Variants in LPAR1 observed in about 807,000 individuals in gnomAD.
The protein encoded by LPAR1 is lysophosphatidic acid receptor 1, also known as LPA receptor 1.
A neutral mutation model predicts 23.8 loss-of-function variants in LPAR1; 5 were observed. The ratio of observed to expected loss-of-function variants is 0.21; its 90% CI spans 0.11 to 0.44. The LOEUF (loss-of-function observed/expected upper bound fraction) is 0.44. Ranked by LOEUF, LPAR1 falls within the 20% of genes least tolerant of loss-of-function variation. LPAR1 has a pLI of 0.99. For synonymous variants in LPAR1, 160 were observed against 164.7 expected, an observed-to-expected ratio of 0.97 and a Z score of 0.22; for missense variants, 311 against 482.8, an observed-to-expected ratio of 0.64 and a Z score of 3.33.
Position 110,907,216 on chromosome 9 carries a change from C to T in LPAR1, c.794-31494G>A, listed in dbSNP as rs916871114. 5.9e-5 allele frequency among the ~76,000 whole-genome samples: 9 copies of T among 152,036 alleles called. No homozygotes were observed. The East Asian group carries it at 7.7e-4, about 13-fold the overall frequency. ...TAAATATTCCTTATAATATTCTGTC[C>T]GGCAAAAAATCAAGAGAGGAACAGA... On this transcript the variant is annotated intron_variant, in intron 5 of 5. Transcript: ENST00000683809.
chr9:110,941,794 C>T lies in LPAR1; in HGVS notation c.420G>A (p.Leu140=), dbSNP rs773510551. 3 of 1,614,176 alleles carry T rather than the reference C, an allele frequency of 1.9e-6. No homozygotes were observed. Among genetic ancestry groups the T allele is most frequent in the Non-Finnish European group, 2.5e-6 (3 of 1,180,024 alleles). The part of the protein sequence containing the change: ...TSLTASVANL[L]AIAIERHITV... The stretch of plus-strand genomic sequence containing the variant: ...TAATGTGCCTCTCGATTGCAATAGC[C>T]AGTAAGTTGGCCACAGATGCCGTCA... Residue 140 remains leucine (L), a synonymous_variant, in exon 5 of 6, where the codon CTG becomes CTA. Transcript: ENST00000683809. This position sits in a 1 kb window ranked among gnomAD's most constrained non-coding sequence, Gnocchi z 6.1.
intron 5 of LPAR1, among the ~76,000 whole-genome samples, chr9:110,928,979 A>G (rs2094222648): frequency 6.6e-6 from 1 of 152,358 alleles, no homozygotes; most frequent in Middle Eastern, 3.4e-3. Flanking sequence ...GCACAGAAAT[A>G]CCTGTTTAGA....
intron 2 of LPAR1, among the ~76,000 whole-genome samples, chr9:111,003,491 G>A (rs2097165199): frequency 6.6e-6 from 1 of 152,122 alleles, no homozygotes; most frequent in Admixed American, 6.5e-5. Flanking sequence ...AAAGAGAAAG[G>A]GCTATGTTGG....
intron 2 of LPAR1, among the ~76,000 whole-genome samples, chr9:110,974,075 C>T (rs2096493242): frequency 6.6e-6 from 1 of 152,002 alleles, no homozygotes; most frequent in Non-Finnish European, 1.5e-5. Flanking sequence ...AGGAGAATCA[C>T]TAGAACCCAG....
intron 5 of LPAR1, among the ~76,000 whole-genome samples, chr9:110,885,396 T>A (rs960896429): frequency 5.9e-5 from 9 of 152,328 alleles, no homozygotes; most frequent in African/African-American, 2.2e-4. Context: ...CATTTAGCCA[T>A]GCCCTCTGAG....
chr9:111,013,843 A>G (rs578108206), intron 2 of LPAR1, among the ~76,000 whole-genome samples: 13 of 152,264 alleles, frequency 8.5e-5, no homozygotes, highest in African/African-American at 2.6e-4. Flanking sequence ...ATCAAGGGCA[A>G]TTTCATCACA....
chr9:110,931,786 C>T (rs906227738), intron 5 of LPAR1, among the ~76,000 whole-genome samples: 2 of 152,230 alleles, frequency 1.3e-5, no homozygotes, highest in Admixed American at 1.3e-4. Flanking sequence ...GGAATTGTTT[C>T]CCCATTTCTT....
intron 2 of LPAR1, among the ~76,000 whole-genome samples, chr9:110,993,300 G>A (rs182526335): frequency 1.7e-3 from 262 of 152,134 alleles, no homozygotes; most frequent in African/African-American, 6.2e-3. Context: ...ACAGGCCCCT[G>A]GTGTGTGATG....
intron 1 of LPAR1, among the ~76,000 whole-genome samples, chr9:111,036,740 T>A (rs564632901): frequency 1.1e-4 from 16 of 152,282 alleles, no homozygotes; most frequent in Non-Finnish European, 2.4e-4. Context: ...CCTTCCTGCC[T>A]CAAGCTACCT....
At chr9:110,955,715 T>C (rs568155878) in intron 4 of LPAR1, among the ~76,000 whole-genome samples, 12 of 93,364 alleles carry the variant, frequency 1.3e-4, no homozygotes, top group Admixed American at 2.4e-4. Flanking sequence ...CAGACCACAA[T>C]AGAAAAAAAA....
In LPAR1 at chr9:110,952,684, T is replaced by C. The variant is rs144284542; in HGVS notation, c.46-10516A>G. ...GTGCTCTCCAACCACCTGTCTGTGG[T>C]TGCTGCCACTGAAAGCAACCCCGCC... is the stretch of plus-strand genomic sequence containing the variant. On this transcript the variant is annotated intron_variant, in intron 4 of 5. Transcript: ENST00000683809. 2.8e-3 allele frequency among the ~76,000 whole-genome samples: 419 copies of C among 152,212 alleles called. 4 individuals are homozygous for C. Among genetic ancestry groups the C allele is most frequent in the African/African-American group, 9.6e-3 (399 of 41,530 alleles).
At position 110,953,950 on chromosome 9, in the gene LPAR1, T is replaced by C. The variant is rs369891817; in HGVS notation, c.46-11782A>G. Among the ~76,000 whole-genome samples the C allele has an allele frequency of 3.2e-4, 49 of 152,108 alleles. No individual in the cohort carries two copies. In the East Asian group the frequency reaches 4.4e-3, roughly 14 times the overall value. On this transcript the variant is annotated intron_variant, in intron 4 of 5. Transcript: ENST00000683809. Reference sequence around the variant, plus strand: ...AAAGAGCACAATAATTCTTCAGCAATAGACTTGAATGAAAAAGAAACTTAT... The same window carrying C: ...AAAGAGCACAATAATTCTTCAGCAACAGACTTGAATGAAAAAGAAACTTAT...
rs182307755 is a variant in LPAR1, at chr9:110,986,842, C to T, written c.-181-13284G>A. Among the ~76,000 whole-genome samples the T allele has an allele frequency of 2.6e-5, 4 of 152,190 alleles. No homozygotes were observed. The East Asian group carries it at 7.7e-4, about 29-fold the overall frequency. ...TTTCAAGTAGCTTAAAATTCAAGCACCTTTGGGAGAATGAATCAAAATCAA... is the reference window on the plus strand; with the variant it reads ...TTTCAAGTAGCTTAAAATTCAAGCATCTTTGGGAGAATGAATCAAAATCAA... On this transcript the variant is annotated intron_variant, in intron 2 of 5. Transcript: ENST00000683809.
Position 110,964,853 on chromosome 9 carries a change from C to CTTT in LPAR1, c.45+7217_45+7219dup, listed in dbSNP as rs35426082. On this transcript the variant is annotated intron_variant, in intron 4 of 5. Coordinates refer to ENST00000683809, the MANE Select transcript of LPAR1 (RefSeq NM_001351411.2). ...AAAGACAACAAACAGACACCAATCA[C>CTTT]TTTTTTTTTTTTTTTTTTTTTTTTT... Among the ~76,000 whole-genome samples the CTTT allele has an allele frequency of 1.1e-3, 72 of 67,112 alleles. 2 individuals are homozygous for CTTT. Among genetic ancestry groups the CTTT allele is most frequent in the African/African-American group, 1.3e-3 (21 of 16,500 alleles). 44.0% of individuals were successfully genotyped at this position (67,112 alleles called of 152,430 possible).
chr9:110,882,507 AC>A (rs1285014539), intron 5 of LPAR1, among the ~76,000 whole-genome samples: 2 of 152,202 alleles, frequency 1.3e-5, no homozygotes, highest in Non-Finnish European at 2.9e-5. Flanking sequence ...CATAAGGAAG[AC>A]CCTGGAAGAC....
intron 2 of LPAR1, among the ~76,000 whole-genome samples, chr9:111,029,952 G>A (rs1463020643): frequency 6.7e-6 from 1 of 150,042 alleles, no homozygotes; most frequent in Non-Finnish European, 1.5e-5. Flanking sequence ...CTACTTGGAA[G>A]GCTGAGGCAA....
At chr9:110,877,146 G>A (rs946196151) in intron 5 of LPAR1, among the ~76,000 whole-genome samples, 1 of 152,202 alleles carries the variant, frequency 6.6e-6, no homozygotes, top group African/African-American at 2.4e-5. Flanking sequence ...CCAGCCTCAA[G>A]GAATTAGTTT....
chr9:110,958,858 T>TAAA (rs199964171), intron 4 of LPAR1, among the ~76,000 whole-genome samples: 2 of 128,766 alleles, frequency 1.6e-5, no homozygotes, highest in African/African-American at 5.6e-5. Context: ...AGTCAAGAGT[T>TAAA]AAAAAAAAAA....
chr9:111,022,147 C>A (rs1429349038), intron 2 of LPAR1, among the ~76,000 whole-genome samples: 1 of 152,086 alleles, frequency 6.6e-6, no homozygotes, highest in Non-Finnish European at 1.5e-5. Flanking sequence ...TTGGCCTGAG[C>A]TTGTTGGACT....
Sources: allele counts gnomAD v4.1 joint callset (sites outside exome capture counted in the v4.1 genomes callset), GRCh38; gene constraint gnomAD v4.1.1; non-coding constraint Gnocchi (gnomAD v3.1); transcripts MANE v1.5; gene names NCBI Gene and HGNC (gene_info 2026-07-23, HGNC 2026-07-21).